The following ADGRB3 variants were observed in gnomAD, a reference collection of about 807,000 sequenced individuals.
The protein encoded by ADGRB3 is brain-specific angiogenesis inhibitor 3.
ADGRB3 carries 37 observed loss-of-function variants against 193.4 expected under a neutral mutation model. The ratio of observed to expected loss-of-function variants is 0.19; its 90% confidence interval spans 0.15 to 0.25. The LOEUF (loss-of-function observed/expected upper bound fraction) is 0.25, where lower values mean the gene tolerates loss of function less well. Ranked by LOEUF, ADGRB3 falls within the 10% of genes least tolerant of loss-of-function variation. ADGRB3 has a pLI of 1.00. For synonymous variants in ADGRB3, 690 were observed against 644.2 expected, an observed-to-expected ratio of 1.07 and a Z score of -1.08; for missense variants, 1,637 against 1,852.9, an observed-to-expected ratio of 0.88 and a Z score of 2.14.
chr6:69,129,843 T>C (rs1773955880), intron 17 of ADGRB3, among the ~76,000 whole-genome samples: 1 of 152,176 alleles, frequency 6.6e-6, no homozygotes, highest in Non-Finnish European at 1.5e-5. Flanking sequence ...TTCTTTTTAG[T>C]GCAGAAATGT....
intron 3 of ADGRB3, among the ~76,000 whole-genome samples, chr6:68,681,618 A>C (rs1764898412): frequency 6.6e-6 from 1 of 152,062 alleles, no homozygotes; most frequent in Non-Finnish European, 1.5e-5. Context: ...CTTTTTTCTC[A>C]ATATTTATAT....
At chr6:69,017,212 G>A (rs760479667) in intron 12 of ADGRB3, among the ~76,000 whole-genome samples, 3 of 151,814 alleles carry the variant, frequency 2.0e-5, no homozygotes, top group Non-Finnish European at 2.9e-5. Context: ...GGGCACAACC[G>A]CAAGCCCCTT....
At chr6:68,910,860 T>C (rs1190475085) in intron 3 of ADGRB3, among the ~76,000 whole-genome samples, 1 of 152,176 alleles carries the variant, frequency 6.6e-6, no homozygotes, top group Non-Finnish European at 1.5e-5. Context: ...GCTTTGTTCT[T>C]TTGGCTTAGG....
chr6:68,811,057 C>A (rs910298881), intron 3 of ADGRB3, among the ~76,000 whole-genome samples: 18 of 151,600 alleles, frequency 1.2e-4, no homozygotes, highest in African/African-American at 4.4e-4. Context: ...AATTGTTTAC[C>A]CTATGGTTTT....
intron 20 of ADGRB3, among the ~76,000 whole-genome samples, chr6:69,295,444 A>G (rs957759720): frequency 2.6e-5 from 4 of 152,102 alleles, no homozygotes; most frequent in Admixed American, 2.6e-4. Context: ...CCCCCACCCC[A>G]CAATTCAGGA....
intron 8 of ADGRB3, among the ~76,000 whole-genome samples, chr6:68,974,494 G>C (rs911326489): frequency 2.6e-5 from 4 of 152,096 alleles, no homozygotes; most frequent in Non-Finnish European, 5.9e-5. Context: ...TCGGCCAGAT[G>C]TGGCAACACA....
chr6:69,338,855 A>C, intron 24 of ADGRB3, 61 bp from the exon 25 acceptor site: 1 of 1,384,504 alleles, frequency 7.2e-7, no homozygotes, highest in South Asian at 1.3e-5. Context: ...TGAAGCAGCA[A>C]TTTTTTTTTG....
chr6:68,831,113 T>G (rs944794109), intron 3 of ADGRB3, among the ~76,000 whole-genome samples: 1 of 151,928 alleles, frequency 6.6e-6, no homozygotes, highest in African/African-American at 2.4e-5. Context: ...GTGTGAAAGA[T>G]GACAAAGTGC....
intron 3 of ADGRB3, among the ~76,000 whole-genome samples, chr6:68,731,833 A>C (rs557032298): frequency 6.6e-6 from 1 of 151,828 alleles, no homozygotes; most frequent in Non-Finnish European, 1.5e-5. Context: ...ACTGTACAAA[A>C]ATGTATAATT....
At chr6:69,313,815 T>G (rs774679362) in intron 20 of ADGRB3, among the ~76,000 whole-genome samples, 1 of 151,768 alleles carries the variant, frequency 6.6e-6, no homozygotes, top group African/African-American at 2.4e-5. Context: ...TTGAAATACA[T>G]ATACATTGTA....
intron 20 of ADGRB3, among the ~76,000 whole-genome samples, chr6:69,268,245 C>T (rs750779004): frequency 4.6e-5 from 7 of 151,948 alleles, no homozygotes; most frequent in South Asian, 2.1e-4. Context: ...TTTATGTTTT[C>T]GTAATTCACA....
At chr6:69,268,731 T>C (rs1767104657) in intron 20 of ADGRB3, among the ~76,000 whole-genome samples, 1 of 152,166 alleles carries the variant, frequency 6.6e-6, no homozygotes, top group Non-Finnish European at 1.5e-5. Context: ...CATTCATGAT[T>C]ACTCTCTGTT....
intron 3 of ADGRB3, among the ~76,000 whole-genome samples, chr6:68,725,558 G>C (rs1460405291): frequency 2.0e-5 from 3 of 151,632 alleles, no homozygotes; most frequent in African/African-American, 7.3e-5. Context: ...AGGAAAACAA[G>C]AACTTGAGAA....
chr6:68,926,407 T>A (rs1767181910), intron 3 of ADGRB3, among the ~76,000 whole-genome samples: 1 of 152,122 alleles, frequency 6.6e-6, no homozygotes, highest in South Asian at 2.1e-4. Context: ...TGAATTAGGC[T>A]TGGTGAGAGA....
At chr6:69,205,394 CTTT>C (rs10715013) in intron 17 of ADGRB3, among the ~76,000 whole-genome samples, 11 of 146,706 alleles carry the variant, frequency 7.5e-5, no homozygotes, top group African/African-American at 1.2e-4. Context: ...AATAAAAGAC[CTTT>C]TTTTTTTTTT....
chr6:69,343,159 T>A (rs9454734), intron 26 of ADGRB3, among the ~76,000 whole-genome samples: 6 of 151,754 alleles, frequency 4.0e-5, no homozygotes, highest in African/African-American at 1.2e-4. Flanking sequence ...TATTTTTTTT[T>A]ATTTTTTTTT....
intron 3 of ADGRB3, among the ~76,000 whole-genome samples, chr6:68,674,804 CCA>C (rs752283876): frequency 7.1e-4 from 108 of 152,120 alleles, no homozygotes; most frequent in Non-Finnish European, 6.2e-4. Context: ...TTCCAGAGTG[CCA>C]CAGCAGTTAA....
chr6:68,918,317 C>T (rs574643773), intron 3 of ADGRB3, among the ~76,000 whole-genome samples: 2 of 152,242 alleles, frequency 1.3e-5, no homozygotes, highest in Admixed American at 1.3e-4. Flanking sequence ...CATCCTTGGC[C>T]ACTTGGTCAC....
At chr6:69,311,314 A>G (rs1768186923) in intron 20 of ADGRB3, among the ~76,000 whole-genome samples, 1 of 151,762 alleles carries the variant, frequency 6.6e-6, no homozygotes, top group Admixed American at 6.6e-5. Flanking sequence ...CCCCAAACAG[A>G]AAAACAGCAA....
Sources: allele counts gnomAD v4.1 joint callset (sites outside exome capture counted in the v4.1 genomes callset), GRCh38; gene constraint gnomAD v4.1.1; transcripts MANE v1.5; gene names NCBI Gene and HGNC (gene_info 2026-07-23, HGNC 2026-07-21).